PAK1: variants seen among roughly 807,000 people sequenced by gnomAD.
PAK1 encodes serine/threonine-protein kinase PAK 1.
Under a neutral mutation model 67.4 loss-of-function variants are expected in PAK1, and 29 were observed. That is an observed-to-expected ratio of 0.43 (90% CI 0.32 to 0.59). The LOEUF is 0.59. Ranked by LOEUF, PAK1 falls within the 20% of genes least tolerant of loss-of-function variation. The pLI, the probability that PAK1 is intolerant of heterozygous loss-of-function variation, is 0.07. For missense variants in PAK1, 337 were observed against 670.7 expected, an observed-to-expected ratio of 0.50 and a Z score of 5.50; for synonymous variants, 223 against 237.4, an observed-to-expected ratio of 0.94 and a Z score of 0.56.
Position 77,462,263 on chromosome 11 carries a change from G to A in PAK1, c.-22+11289C>T, listed in dbSNP as rs530324572. Among the ~76,000 whole-genome samples, 335 of 151,598 alleles carry A rather than the reference G, an allele frequency of 2.2e-3. 1 individual carries two copies. Among genetic ancestry groups the A allele is most frequent in the Non-Finnish European group, 3.1e-3 (211 of 67,800 alleles). The stretch of plus-strand genomic sequence containing the variant: ...GGAGAATGGCGTGAACCCGGGAGGC[G>A]GAGCTTGCAGTGAGCCGAGATTGCT... On this transcript the variant is annotated intron_variant, in intron 1 of 14. Transcript: ENST00000356341.
chr11:77,478,118 C>T (rs4483609), upstream of PAK1, among the ~76,000 whole-genome samples: 4,297 of 148,294 alleles, frequency 0.029, 206 homozygotes, highest in African/African-American at 0.1. Context: ...TGCCAGTTAA[C>T]TTAATGTGCA....
the PAK1 span, among the ~76,000 whole-genome samples, chr11:77,498,691 A>ATTTTTTTTTTTTT: frequency 2.8e-5 from 2 of 72,052 alleles, no homozygotes; most frequent in East Asian, 4.8e-4. Flanking sequence ...CTTGCTTGTA[A>ATTTTTTTTTTTTT]TTTTTTTTTT....
intron 8 of PAK1, among the ~76,000 whole-genome samples, chr11:77,351,016 T>C (rs1189512278): frequency 6.6e-6 from 1 of 152,158 alleles, no homozygotes; most frequent in East Asian, 1.9e-4. Flanking sequence ...CACTGCTTAA[T>C]ACCTATTTCT....
chr11:77,343,889 C>G lies in PAK1; in HGVS notation c.928G>C (p.Glu310Gln). The change falls in exon 10 of 15, where the codon GAG becomes CAG. Residue 310 changes from glutamate to glutamine, a missense_variant. Around this residue, in one of 8 missense-constraint regions of PAK1, gnomAD observed 18 missense variants for 45.2 expected, o/e 0.40. Transcript: ENST00000356341. ...QMNLQQQPKK[E>Q]LIINEILVMR... ...ACCAGGATCTCATTAATAATCAGCT[C>G]TTTCTTGGGCTGCTGCTGAAGATTC... 1 of 1,613,574 alleles carries G rather than the reference C, an allele frequency of 6.2e-7. No individual in the cohort carries two copies. The highest frequency in any genetic ancestry group is 8.5e-7 in the Non-Finnish European group (1 of 1,179,534).
At chr11:77,369,572 C>A (rs900246861) in intron 5 of PAK1, among the ~76,000 whole-genome samples, 1 of 151,304 alleles carries the variant, frequency 6.6e-6, no homozygotes, top group Non-Finnish European at 1.5e-5. Context: ...CTCAGCCTCC[C>A]AAGTAGCTGG....
chr11:77,442,530 T>C (rs990846298), intron 1 of PAK1, among the ~76,000 whole-genome samples: 7 of 151,966 alleles, frequency 4.6e-5, no homozygotes, highest in African/African-American at 1.7e-4. Flanking sequence ...ACGGCATGAG[T>C]GAACTTGGAA....
chr11:77,449,359 T>C (rs1022551665), intron 1 of PAK1, among the ~76,000 whole-genome samples: 6 of 152,100 alleles, frequency 3.9e-5, no homozygotes, highest in African/African-American at 1.4e-4. Context: ...GGGAACAACA[T>C]GAACATCAGA....
At chr11:77,337,468 A>G (rs1405100954) in intron 11 of PAK1, 45 bp from the exon 12 acceptor site, 2 of 975,650 alleles carry the variant, frequency 2.0e-6, no homozygotes, top group East Asian at 2.4e-5. Context: ...GGACATACAT[A>G]TAATACAGAA....
chr11:77,439,609 GA>G (rs201879699), intron 1 of PAK1, among the ~76,000 whole-genome samples: 1 of 151,166 alleles, frequency 6.6e-6, no homozygotes. Context: ...GACTTCTAGA[GA>G]AAAAAAAATA....
chr11:77,409,112 T>A lies in PAK1; in HGVS notation c.-21-16571A>T, dbSNP rs199680472. 4.5e-3 allele frequency among the ~76,000 whole-genome samples: 395 copies of A among 87,986 alleles called. 12 individuals are homozygous for A. In the East Asian group the frequency reaches 0.06, roughly 13 times the overall value. 57.7% of individuals were successfully genotyped at this position (87,986 alleles called of 152,430 possible). A position where few individuals can be genotyped will look rare whatever the true frequency, so the allele number is the denominator to read the frequency against. Reference sequence around the variant, plus strand: ...AGACCACACTTCTAAAAAAAAAAAATTTTTTTTTTATTAGCCAGGCATGCT... The same window carrying A: ...AGACCACACTTCTAAAAAAAAAAAAATTTTTTTTTATTAGCCAGGCATGCT... On this transcript the variant is annotated intron_variant, in intron 1 of 14. Transcript: ENST00000356341.
Position 77,399,858 on chromosome 11 carries a change from C to CAAAAAAAAAAAAAA in PAK1, c.-21-7331_-21-7318dup, listed in dbSNP as rs34662738. On this transcript the variant is annotated intron_variant, in intron 1 of 14. Transcript: ENST00000356341. ...TGGGCGACAGAGCGAGACTCCGTCT[C>CAAAAAAAAAAAAAA]AAAAAAAAAAAAAAAAAAAAAAAAA... is the stretch of plus-strand genomic sequence containing the variant. Among the ~76,000 whole-genome samples the CAAAAAAAAAAAAAA allele has an allele frequency of 1.4e-4, 6 of 42,362 alleles. 1 individual carries two copies. The highest frequency in any genetic ancestry group is 4.6e-4 in the African/African-American group (6 of 13,026). 27.8% of individuals were successfully genotyped at this position (42,362 alleles called of 152,430 possible).
chr11:77,429,750 T>C (rs913167619), intron 1 of PAK1, among the ~76,000 whole-genome samples: 3 of 152,214 alleles, frequency 2.0e-5, no homozygotes, highest in Admixed American at 1.3e-4. Context: ...TTCTGAACTA[T>C]ATTCTTTTGC....
chr11:77,331,286 T>C (rs1265368840), intron 14 of PAK1, among the ~76,000 whole-genome samples: 5 of 152,336 alleles, frequency 3.3e-5, no homozygotes, highest in African/African-American at 1.2e-4. Flanking sequence ...CATTACTGGG[T>C]ATATACCCAA....
At chr11:77,410,077 C>T (rs923896407) in intron 1 of PAK1, among the ~76,000 whole-genome samples, 11 of 152,146 alleles carry the variant, frequency 7.2e-5, no homozygotes, top group Non-Finnish European at 1.6e-4. Context: ...TCCAGGCCTC[C>T]TCCTCCTCCT....
chr11:77,397,420 C>A (rs1951976461), intron 1 of PAK1, among the ~76,000 whole-genome samples: 1 of 152,162 alleles, frequency 6.6e-6, no homozygotes, highest in Non-Finnish European at 1.5e-5. Context: ...TAAGCCATCG[C>A]CCCTGTAGAA....
At chr11:77,333,194 CTTT>C (rs886805892) in intron 13 of PAK1, among the ~76,000 whole-genome samples, 25 of 127,140 alleles carry the variant, frequency 2.0e-4, no homozygotes, top group African/African-American at 5.7e-4. Context: ...TCTTCTTCTT[CTTT>C]TTTTTTTTTT....
chr11:77,481,840 G>A, the PAK1 span, among the ~76,000 whole-genome samples: 8 of 152,110 alleles, frequency 5.3e-5, no homozygotes, highest in Non-Finnish European at 1.0e-4. Flanking sequence ...TAAGCTTCTT[G>A]AGTGTGGGGA....
chr11:77,347,033 A>G (rs1254169479), intron 9 of PAK1: 3 of 456,248 alleles, frequency 6.6e-6, no homozygotes, highest in Non-Finnish European at 1.3e-5. Flanking sequence ...GCAAGAACTC[A>G]CAAAGACTGA....
intron 14 of PAK1, among the ~76,000 whole-genome samples, chr11:77,328,386 T>G (rs1214722886): frequency 6.6e-6 from 1 of 152,134 alleles, no homozygotes; most frequent in African/African-American, 2.4e-5. Flanking sequence ...TAGTTGGAAG[T>G]AAAGCACTCC....
Sources: allele counts gnomAD v4.1 joint callset (sites outside exome capture counted in the v4.1 genomes callset), GRCh38; gene constraint gnomAD v4.1.1; regional missense constraint gnomAD v4.1.1; transcripts MANE v1.5; gene names NCBI Gene and HGNC (gene_info 2026-07-23, HGNC 2026-07-21).